Variants in JAZF1 observed in about 807,000 individuals in gnomAD.
JAZF1 encodes juxtaposed with another zinc finger protein 1.
JAZF1 carries 8 observed loss-of-function variants against 26.4 expected under a neutral mutation model. That is an observed-to-expected ratio of 0.30 (90% confidence interval 0.18 to 0.55). The LOEUF is 0.55. Ranked by LOEUF, JAZF1 falls within the 20% of genes least tolerant of loss-of-function variation. The pLI is 0.94. For synonymous variants in JAZF1, 126 were observed against 122.3 expected, an observed-to-expected ratio of 1.03 and a Z score of -0.20; for missense variants, 199 against 322.0, an observed-to-expected ratio of 0.62 and a Z score of 2.92.
At chr7:27,867,755 G>A (rs920786780) in intron 3 of JAZF1, among the ~76,000 whole-genome samples, 1 of 152,230 alleles carries the variant, frequency 6.6e-6, no homozygotes, top group African/African-American at 2.4e-5. Context: ...CTCCAGGCAT[G>A]ACAACAAAGA....
intron 2 of JAZF1, among the ~76,000 whole-genome samples, chr7:27,966,405 T>C (rs562623593): frequency 4.3e-4 from 65 of 152,154 alleles, no homozygotes; most frequent in Admixed American, 1.4e-3. Flanking sequence ...GATGAGGGAA[T>C]TGGGGTGGTT....
chr7:28,047,450 C>T (rs1470955117), intron 1 of JAZF1, among the ~76,000 whole-genome samples: 1 of 152,096 alleles, frequency 6.6e-6, no homozygotes, highest in Non-Finnish European at 1.5e-5. Flanking sequence ...GAGCTCCTAG[C>T]CAGGAGTGAA....
intron 1 of JAZF1, among the ~76,000 whole-genome samples, chr7:28,125,146 CTTTTTTT>C (rs35830575): frequency 7.3e-6 from 1 of 136,166 alleles, no homozygotes; most frequent in African/African-American, 2.7e-5. Flanking sequence ...GGGAAGATTG[CTTTTTTT>C]TTTTTTTTTT....
At chr7:28,154,896 C>T (rs1783157377) in intron 1 of JAZF1, among the ~76,000 whole-genome samples, 2 of 149,842 alleles carry the variant, frequency 1.3e-5, no homozygotes, top group African/African-American at 4.9e-5. Context: ...CAATTATATT[C>T]AAAATAGACA....
At chr7:28,008,455 T>C (rs1230556497) in intron 1 of JAZF1, among the ~76,000 whole-genome samples, 1 of 152,180 alleles carries the variant, frequency 6.6e-6, no homozygotes, top group Admixed American at 6.5e-5. Flanking sequence ...GTGTGAATCA[T>C]ACATTTTAAT....
intron 4 of JAZF1, among the ~76,000 whole-genome samples, chr7:27,836,692 T>G (rs900706722): frequency 6.6e-6 from 1 of 152,152 alleles, no homozygotes; most frequent in African/African-American, 2.4e-5. Flanking sequence ...CTTGCAGCAG[T>G]GTGGACACCT....
In JAZF1 at chr7:28,062,845, TCTC is replaced by T. The variant is rs534209562; in HGVS notation, c.116-70867_116-70865del. Among the ~76,000 whole-genome samples the T allele has an allele frequency of 5.9e-5, 9 of 152,326 alleles. No homozygotes were observed. The South Asian group carries it at 1.2e-3, about 21-fold the overall frequency. On this transcript the variant is annotated intron_variant, in intron 1 of 4. Transcript: ENST00000283928. ...TGTTTAAATTCCTTTGTGGTTTTTG[TCTC>T]CTCGTTTGACCCAGACTGACACTGT...
At chr7:28,002,888 G>C (rs569331951) in intron 1 of JAZF1, among the ~76,000 whole-genome samples, 2 of 152,152 alleles carry the variant, frequency 1.3e-5, no homozygotes, top group East Asian at 1.9e-4. Context: ...TAATATGGTA[G>C]ATTTCTTTCA....
rs796587132 is a variant in JAZF1 at position 28,101,991 on chromosome 7, A to G, written c.115+78472T>C. Among the ~76,000 whole-genome samples the G allele has an allele frequency of 2.4e-4, 36 of 152,278 alleles. 1 individual carries two copies. The highest frequency in any genetic ancestry group is 8.7e-4 in the African/African-American group (36 of 41,538). ...TTCTACACGTTGTCTTATGAACCAC[A>G]GAGGAATAAATGGTGCCTCATCAGA... On this transcript the variant is annotated intron_variant, in intron 1 of 4. Coordinates refer to ENST00000283928, the MANE Select transcript of JAZF1 (RefSeq NM_175061.4).
intron 1 of JAZF1, among the ~76,000 whole-genome samples, chr7:28,062,568 C>T (rs910893380): frequency 7.0e-6 from 1 of 142,498 alleles, no homozygotes; most frequent in Admixed American, 6.7e-5. Flanking sequence ...ACTCCAAGTG[C>T]CCACCGTGAT....
intron 2 of JAZF1, among the ~76,000 whole-genome samples, chr7:27,903,524 A>G (rs952048151): frequency 2.0e-5 from 3 of 152,232 alleles, no homozygotes; most frequent in South Asian, 4.1e-4. Flanking sequence ...AATGGTATCT[A>G]TTAAATGGCA....
chr7:28,146,063 T>C (rs1263298187), intron 1 of JAZF1, among the ~76,000 whole-genome samples: 1 of 152,222 alleles, frequency 6.6e-6, no homozygotes, highest in Non-Finnish European at 1.5e-5. Flanking sequence ...ATACTGTTTA[T>C]TGACTTTCCT....
chr7:28,027,152 A>AAC lies in JAZF1; in HGVS notation c.116-35173_116-35172dup, dbSNP rs570549243. ...ATCCCTGGAGAAAACAGCCTGAATG[A>AAC]ACAGACGTACTGACCCCAGCCCCAT... On this transcript the variant is annotated intron_variant, in intron 1 of 4. Coordinates refer to ENST00000283928, the MANE Select transcript of JAZF1 (RefSeq NM_175061.4). 5.8e-3 allele frequency among the ~76,000 whole-genome samples: 881 copies of AAC among 152,318 alleles called. 5 individuals carry two copies. Among genetic ancestry groups the AAC allele is most frequent in the African/African-American group, 0.02 (852 of 41,574 alleles).
chr7:27,887,777 G>A (rs893783317), intron 3 of JAZF1, among the ~76,000 whole-genome samples: 1 of 152,042 alleles, frequency 6.6e-6, no homozygotes, highest in Non-Finnish European at 1.5e-5. Flanking sequence ...TTTCTAAGTG[G>A]TATAGCTGTG....
chr7:27,953,363 G>A (rs559234212), intron 2 of JAZF1, among the ~76,000 whole-genome samples: 1 of 152,306 alleles, frequency 6.6e-6, no homozygotes, highest in East Asian at 1.9e-4. Context: ...TCATGTTTGA[G>A]ACTAAAATTT....
chr7:28,049,214 T>C (rs910551084), intron 1 of JAZF1, among the ~76,000 whole-genome samples: 1 of 151,302 alleles, frequency 6.6e-6, no homozygotes, highest in African/African-American at 2.4e-5. Flanking sequence ...TCCAGAGTAG[T>C]TGGGATTACA....
At position 28,099,628 on chromosome 7, in the gene JAZF1, C is replaced by T. The variant is rs554328125; in HGVS notation, c.115+80835G>A. Among the ~76,000 whole-genome samples the T allele has an allele frequency of 2.0e-5, 3 of 152,276 alleles. No homozygotes were observed. In the East Asian group the frequency reaches 5.8e-4, roughly 29 times the overall value. On this transcript the variant is annotated intron_variant, in intron 1 of 4. Coordinates refer to ENST00000283928, the MANE Select transcript of JAZF1 (RefSeq NM_175061.4). ...AGTAGCTGGGATTACAGGCATGCAC[C>T]ACCATGCCTTGCTAATTTTACATTT...
chr7:27,980,802 G>C (rs187025366), intron 2 of JAZF1, among the ~76,000 whole-genome samples: 1 of 152,096 alleles, frequency 6.6e-6, no homozygotes, highest in East Asian at 1.9e-4. Flanking sequence ...TCTTTCACAT[G>C]ACTTAACCCT....
intron 1 of JAZF1, among the ~76,000 whole-genome samples, chr7:28,168,734 G>A (rs1158328229): frequency 6.6e-6 from 1 of 152,172 alleles, no homozygotes; most frequent in Non-Finnish European, 1.5e-5. Flanking sequence ...TTAAAGGCCT[G>A]CCTCCAGTAA....
Sources: gnomAD v4.1 joint callset for allele counts (sites outside exome capture counted in the v4.1 genomes callset) on GRCh38, gnomAD v4.1.1 for gene constraint, MANE v1.5 for transcripts, NCBI Gene and HGNC (gene_info 2026-07-23, HGNC 2026-07-21) for gene names.